DLG5: variants seen among roughly 807,000 people sequenced by gnomAD.
DLG5 encodes disks large homolog 5.
In DLG5, 48 loss-of-function variants were observed where a neutral mutation model predicts 189.8. That is an observed-to-expected ratio of 0.25 (90% CI 0.20 to 0.32). DLG5 has a LOEUF of 0.32. DLG5 is among the 10% of genes least tolerant of loss of function. DLG5 has a pLI of 1.00. For missense variants in DLG5, 2,160 were observed against 2,544.7 expected, an observed-to-expected ratio of 0.85 and a Z score of 3.25; for synonymous variants, 1,016 against 1,054.1, an observed-to-expected ratio of 0.96 and a Z score of 0.70.
At chr10:77,795,868 A>G (rs888243407) in intron 29 of DLG5, among the ~76,000 whole-genome samples, 193 bp downstream of exon 29, 1 of 152,132 alleles carries the variant, frequency 6.6e-6, no homozygotes, top group African/African-American at 2.4e-5. Flanking sequence ...ATCCCCACCA[A>G]GGGATGTGCT....
intron 13 of DLG5, among the ~76,000 whole-genome samples, chr10:77,825,018 A>G (rs1842549116): frequency 6.6e-6 from 1 of 152,190 alleles, no homozygotes; most frequent in African/African-American, 2.4e-5. Flanking sequence ...TATATGTGCA[A>G]CCGGTGAATG....
At chr10:77,840,819 A>G (rs1843381693) in intron 7 of DLG5, among the ~76,000 whole-genome samples, 1 of 152,142 alleles carries the variant, frequency 6.6e-6, no homozygotes, top group Non-Finnish European at 1.5e-5. Context: ...TGCATTCCCC[A>G]CATCCCCTAC....
chr10:77,920,125 A>G (rs1450960265), intron 1 of DLG5, among the ~76,000 whole-genome samples: 16 of 152,288 alleles, frequency 1.1e-4, no homozygotes, highest in Admixed American at 1.0e-3. Flanking sequence ...GAACCCTCAG[A>G]AACACCAGGA....
chr10:77,853,272 AT>A lies in DLG5; in HGVS notation c.864+81del, dbSNP rs1844070174. ...TGTGAGCCAACGTGCCCGGCCCAGC[AT>A]TTACTTCTCAATACTATTCTCCATT... On this transcript the variant is annotated intron_variant, in intron 5 of 31. Transcript: ENST00000372391. 6 of 1,285,808 alleles carry A rather than the reference AT, an allele frequency of 4.7e-6. No homozygotes were observed. In the East Asian group the frequency reaches 1.7e-4, roughly 36 times the overall value. 79.6% of individuals were successfully genotyped at this position (1,285,808 alleles called of 1,614,324 possible).
At chr10:77,849,994 C>A (rs1843884865) in intron 5 of DLG5, among the ~76,000 whole-genome samples, 1 of 152,166 alleles carries the variant, frequency 6.6e-6, no homozygotes, top group Non-Finnish European at 1.5e-5. Context: ...GCCACTGTAC[C>A]CAGACTGGAT....
intron 9 of DLG5, among the ~76,000 whole-genome samples, chr10:77,833,120 C>T (rs949023922): frequency 4.6e-5 from 7 of 152,142 alleles, no homozygotes; most frequent in African/African-American, 1.7e-4. Context: ...TGCTTTCCTA[C>T]TAGATTTGGG....
At position 77,819,432 on chromosome 10, in the gene DLG5, G is replaced by A. The variant is rs1842224270; in HGVS notation, c.3560C>T (p.Thr1187Ile). The A allele has an allele frequency of 6.2e-7, 1 of 1,613,670 alleles. No individual in the cohort carries two copies. The highest frequency in any genetic ancestry group is 2.2e-5 in the East Asian group (1 of 44,858). ...GGGGTTCCGCAGGATGGAGCTCACA[G>A]TGGTGCTGGGGGTCAAACTCCGGGG... Reference protein sequence around the residue: ...TVPRSLTPSTTVSSILRNPIY... With the variant: ...TVPRSLTPSTIVSSILRNPIY... Residue 1187 changes from threonine to isoleucine, a missense_variant, in exon 17 of 32, where the codon ACT becomes ATT. This residue lies in a region of DLG5 where 754 missense variants were observed against 746.5 expected (regional missense o/e 1.01). Coordinates refer to ENST00000372391, the MANE Select transcript of DLG5 (RefSeq NM_004747.4).
At position 77,806,678 on chromosome 10, in the gene DLG5, C is replaced by T. The variant is rs1338857324; in HGVS notation, c.4967+80G>A. The T allele has an allele frequency of 8.7e-6, 13 of 1,493,022 alleles. No individual in the cohort carries two copies. In the Admixed American group the frequency reaches 2.3e-4, roughly 26 times the overall value. The allele number at this position is 1,493,022 out of a possible 1,614,324, so 92.5% of individuals were successfully genotyped here. A position where few individuals can be genotyped will look rare whatever the true frequency, so the allele number is the denominator to read the frequency against. ...TCCTCCAGCAGCCCTGGCCCCAGCC[C>T]CCTCCCATGGGACAGCTCCATGGCT... is the stretch of plus-strand genomic sequence containing the variant. On this transcript the variant is annotated intron_variant, in intron 26 of 31. Transcript: ENST00000372391.
intron 14 of DLG5, among the ~76,000 whole-genome samples, chr10:77,824,052 A>G (rs986031506): frequency 1.3e-5 from 2 of 152,066 alleles, no homozygotes; most frequent in African/African-American, 4.8e-5. Flanking sequence ...CACTTCTAAC[A>G]ACTTTAGCTT....
chr10:77,911,938 C>A (rs1846233769), intron 1 of DLG5, among the ~76,000 whole-genome samples: 1 of 150,676 alleles, frequency 6.6e-6, no homozygotes, highest in Non-Finnish European at 1.5e-5. Flanking sequence ...GCAACTCATG[C>A]CTGTGATCCC....
intron 1 of DLG5, among the ~76,000 whole-genome samples, chr10:77,906,676 G>A (rs190276280): frequency 1.7e-4 from 24 of 145,020 alleles, no homozygotes; most frequent in Non-Finnish European, 3.1e-4. Context: ...CCAGGCTGGA[G>A]TGCAGTGGCA....
chr10:77,867,302 T>C (rs76867039), intron 2 of DLG5, among the ~76,000 whole-genome samples: 1 of 152,316 alleles, frequency 6.6e-6, no homozygotes, highest in East Asian at 1.9e-4. Flanking sequence ...AGGTAACGAT[T>C]TAACCCTTGA....
At position 77,852,412 on chromosome 10, in the gene DLG5, CTGTTTGTT is replaced by C. The variant is rs112697424; in HGVS notation, c.864+934_864+941del. Among the ~76,000 whole-genome samples the C allele has an allele frequency of 4.6e-5, 7 of 151,778 alleles. No homozygotes were observed. In the East Asian group the frequency reaches 1.2e-3, roughly 25 times the overall value. On this transcript the variant is annotated intron_variant, in intron 5 of 31. Coordinates refer to ENST00000372391, the MANE Select transcript of DLG5 (RefSeq NM_004747.4). ...AAAATAACAGGAATCACATTTGTCA[CTGTTTGTT>C]TGTTTGTTTGTTTGAGGCAGAATCT...
intron 13 of DLG5, 151 bp from the exon 14 acceptor site, chr10:77,824,627 G>A: frequency 1.6e-6 from 1 of 625,420 alleles, no homozygotes; most frequent in Non-Finnish European, 2.8e-6. Context: ...GGTCTTTCTG[G>A]TGAGGCCCAA....
At chr10:77,894,762 C>T (rs912485093) in intron 1 of DLG5, among the ~76,000 whole-genome samples, 7 of 152,046 alleles carry the variant, frequency 4.6e-5, no homozygotes, top group African/African-American at 1.7e-4. Flanking sequence ...TCCAGAAAAA[C>T]TCAAATCTCA....
chr10:77,857,371 T>C (rs1161799917), intron 2 of DLG5, among the ~76,000 whole-genome samples: 1 of 152,218 alleles, frequency 6.6e-6, no homozygotes, highest in Non-Finnish European at 1.5e-5. Context: ...CCAGGGCAGC[T>C]GGGGCCCAAG....
chr10:77,867,578 G>A (rs77900653), intron 2 of DLG5, among the ~76,000 whole-genome samples: 2,398 of 152,266 alleles, frequency 0.016, 61 homozygotes, highest in African/African-American at 0.053. Context: ...ATAGGATACC[G>A]TTGGGAGCTT....
Position 77,834,313 on chromosome 10 carries a change from A to C in DLG5, c.1623-274T>G, listed in dbSNP as rs570699266. Among the ~76,000 whole-genome samples, 8 of 152,138 alleles carry C rather than the reference A, an allele frequency of 5.3e-5. No homozygotes were observed. The South Asian group carries it at 8.3e-4, about 16-fold the overall frequency. ...GTTCCCAATGCCCTGTTTCACCCTC[A>C]ATGTGCCTGGGGTTAAGGACCACCC... On this transcript the variant is annotated intron_variant, in intron 8 of 31. Coordinates refer to ENST00000372391, the MANE Select transcript of DLG5 (RefSeq NM_004747.4).
At chr10:77,892,011 A>C (rs1205276183) in intron 1 of DLG5, among the ~76,000 whole-genome samples, 1 of 152,188 alleles carries the variant, frequency 6.6e-6, no homozygotes, top group Non-Finnish European at 1.5e-5. Flanking sequence ...CAGGGATCAC[A>C]GCACCCTGCC....
Sources: gnomAD v4.1 joint callset for allele counts (sites outside exome capture counted in the v4.1 genomes callset) on GRCh38, gnomAD v4.1.1 for gene constraint, gnomAD v4.1.1 regional missense constraint, MANE v1.5 for transcripts, NCBI Gene and HGNC (gene_info 2026-07-23, HGNC 2026-07-21) for gene names.